The following LARP1B variants were observed in gnomAD, a reference collection of about 807,000 sequenced individuals.
LARP1B encodes la-related protein 1B.
Under a neutral mutation model 114.2 loss-of-function variants are expected in LARP1B, and 76 were observed. That is an observed-to-expected ratio of 0.67 (90% CI 0.55 to 0.81). The LOEUF (loss-of-function observed/expected upper bound fraction) is 0.81, where lower values mean the gene tolerates loss of function less well. Among genes scored for constraint, LARP1B ranks in the 30% least tolerant of loss-of-function variants. The probability of loss-of-function intolerance (pLI) is 0.00; values close to 1 mark genes in which losing one functional copy is unlikely to be tolerated. For synonymous variants in LARP1B, 345 were observed against 348.0 expected, an observed-to-expected ratio of 0.99 and a Z score of 0.10; for missense variants, 1,014 against 1,075.8, an observed-to-expected ratio of 0.94 and a Z score of 0.80.
chr4:128,219,123 A>G (rs1578851153), intron 6 of LARP1B, among the ~76,000 whole-genome samples: 1 of 151,410 alleles, frequency 6.6e-6, no homozygotes, highest in South Asian at 2.1e-4. Context: ...TAGAATGGCA[A>G]TCATTCAAAA....
chr4:128,215,981 AG>A, downstream of LARP1B, among the ~76,000 whole-genome samples: 1 of 1,278 alleles, frequency 7.8e-4, no homozygotes, highest in Non-Finnish European at 1.6e-3. Context: ...AAAAAAAGGC[AG>A]GGGTTGCAAT....
chr4:128,142,036 C>T (rs1048618535), intron 11 of LARP1B, among the ~76,000 whole-genome samples: 6 of 152,192 alleles, frequency 3.9e-5, no homozygotes, highest in African/African-American at 1.4e-4. Context: ...CAGACAGAAA[C>T]AATAGCTTCA....
At chr4:128,140,824 G>GTTTTT in intron 11 of LARP1B, among the ~76,000 whole-genome samples, 1 of 138,604 alleles carries the variant, frequency 7.2e-6, no homozygotes, top group Admixed American at 7.5e-5. Flanking sequence ...AATTGTCTCT[G>GTTTTT]TTTTTTTTTT....
intron 15 of LARP1B, among the ~76,000 whole-genome samples, chr4:128,185,778 G>A (rs1750126965): frequency 6.6e-6 from 1 of 152,144 alleles, no homozygotes; most frequent in Admixed American, 6.6e-5. Flanking sequence ...ATGGCCTAGA[G>A]TGTTTTCCCA....
intron 1 of LARP1B, chr4:128,069,371 A>G (rs1357136943): frequency 2.6e-6 from 2 of 768,086 alleles, no homozygotes; most frequent in Non-Finnish European, 4.7e-6. Context: ...TAACACCATG[A>G]TGGACAGGCT....
intron 1 of LARP1B, among the ~76,000 whole-genome samples, chr4:128,068,840 A>T (rs762879462): frequency 2.4e-4 from 36 of 152,252 alleles, no homozygotes; most frequent in Non-Finnish European, 4.8e-4. Flanking sequence ...ATTAGAAGGA[A>T]GATACACCAT....
chr4:128,162,457 C>T, intron 12 of LARP1B, 140 bp downstream of exon 12: 1 of 727,054 alleles, frequency 1.4e-6, no homozygotes, highest in Non-Finnish European at 2.2e-6. Flanking sequence ...TAAAACTCAA[C>T]TTTTATCCTT....
chr4:128,094,632 C>A (rs575295685), intron 7 of LARP1B, among the ~76,000 whole-genome samples: 2 of 151,960 alleles, frequency 1.3e-5, no homozygotes, highest in African/African-American at 4.8e-5. Context: ...GTCTCGAATG[C>A]CTGAGCTCAA....
chr4:128,212,225 A>G (rs531041404), downstream of LARP1B, among the ~76,000 whole-genome samples: 24 of 152,212 alleles, frequency 1.6e-4, no homozygotes, highest in Admixed American at 6.5e-4. Context: ...CAGTGATGTC[A>G]TTAATATTTC....
chr4:128,067,590 T>C (rs541050292), intron 1 of LARP1B, among the ~76,000 whole-genome samples: 2 of 152,332 alleles, frequency 1.3e-5, no homozygotes, highest in Admixed American at 6.5e-5. Flanking sequence ...GATGAGGCAC[T>C]CTTCAGCCAA....
At chr4:128,130,281 A>G (rs536534473) in intron 11 of LARP1B, among the ~76,000 whole-genome samples, 99 of 152,350 alleles carry the variant, frequency 6.5e-4, no homozygotes, top group African/African-American at 2.2e-3. Context: ...CAAAATATAC[A>G]AAGAACTATT....
At chr4:128,148,407 G>T (rs142410402) in intron 11 of LARP1B, among the ~76,000 whole-genome samples, 4,023 of 151,656 alleles carry the variant, frequency 0.027, 164 homozygotes, top group African/African-American at 0.093. Flanking sequence ...CTCCAGTCCA[G>T]CCTGGGCAAC....
At chr4:128,083,652 CGGCTGGCCAGGT>C (rs1561114608) in intron 5 of LARP1B, among the ~76,000 whole-genome samples, 3 of 103,852 alleles carry the variant, frequency 2.9e-5, no homozygotes, top group Non-Finnish European at 6.1e-5. Context: ...CCGGACGGGG[CGGCTGGCCAGGT>C]GGGGGGGCTG....
chr4:128,062,274 G>C, intron 1 of LARP1B: 1 of 985,390 alleles, frequency 1.0e-6, no homozygotes, highest in South Asian at 4.7e-5. Context: ...GGCGACTTGC[G>C]GGACTTGCCG....
At chr4:128,131,505 A>G (rs1400999071) in intron 11 of LARP1B, among the ~76,000 whole-genome samples, 2 of 152,154 alleles carry the variant, frequency 1.3e-5, no homozygotes, top group African/African-American at 4.8e-5. Context: ...TGGGTAAACA[A>G]GAGTTCAAGG....
At chr4:128,092,205 C>T (rs1014704563) in intron 7 of LARP1B, among the ~76,000 whole-genome samples, 1 of 152,026 alleles carries the variant, frequency 6.6e-6, no homozygotes, top group African/African-American at 2.4e-5. Context: ...TTAGAATTTG[C>T]AAATTAACAT....
chr4:128,161,639 C>T (rs1738565536), intron 11 of LARP1B, among the ~76,000 whole-genome samples: 1 of 152,120 alleles, frequency 6.6e-6, no homozygotes, highest in Non-Finnish European at 1.5e-5. Context: ...AAACACATTG[C>T]TTTTTCCAAG....
At chr4:128,199,855 G>T (rs1257408583) in intron 16 of LARP1B, among the ~76,000 whole-genome samples, 1 of 152,212 alleles carries the variant, frequency 6.6e-6, no homozygotes, top group Non-Finnish European at 1.5e-5. Context: ...GGAGGCCGAG[G>T]CATGCAGATC....
At chr4:128,063,787 A>C (rs978519854) in intron 1 of LARP1B, among the ~76,000 whole-genome samples, 1 of 152,184 alleles carries the variant, frequency 6.6e-6, no homozygotes, top group African/African-American at 2.4e-5. Context: ...CTCAAAAAAA[A>C]ACACAAAAAA....
Sources: allele counts gnomAD v4.1 joint callset (sites outside exome capture counted in the v4.1 genomes callset), GRCh38; gene constraint gnomAD v4.1.1; transcripts MANE v1.5; gene names NCBI Gene and HGNC (gene_info 2026-07-23, HGNC 2026-07-21).